Variants in YEATS2 observed in about 807,000 individuals in gnomAD.
YEATS2 encodes the protein YEATS domain containing 2.
In YEATS2, 77 loss-of-function variants were observed where a neutral mutation model predicts 163.2. The ratio of observed to expected loss-of-function variants is 0.47; its 90% CI spans 0.39 to 0.57. The LOEUF (loss-of-function observed/expected upper bound fraction) is 0.57, where lower values mean the gene tolerates loss of function less well. YEATS2 is among the 20% of genes least tolerant of loss of function. YEATS2 has a pLI of 0.00. For synonymous variants in YEATS2, 631 were observed against 645.1 expected, an observed-to-expected ratio of 0.98 and a Z score of 0.33; for missense variants, 1,549 against 1,729.8, an observed-to-expected ratio of 0.90 and a Z score of 1.85.
At chr3:183,713,470 G>A (rs1331856815) in intron 1 of YEATS2, among the ~76,000 whole-genome samples, 1 of 152,164 alleles carries the variant, frequency 6.6e-6, no homozygotes, top group Non-Finnish European at 1.5e-5. Context: ...GGCTGAGGCA[G>A]GAGAATTGCT....
At chr3:183,747,647 C>T (rs772145829) in intron 8 of YEATS2, 25 bp from the exon 9 acceptor site, 1 of 1,604,988 alleles carries the variant, frequency 6.2e-7, no homozygotes, top group South Asian at 1.1e-5. Context: ...TGAAATTTAA[C>T]ACTCTCCCTT....
At chr3:183,757,395 A>G (rs1720878901) in intron 12 of YEATS2, among the ~76,000 whole-genome samples, 1 of 152,032 alleles carries the variant, frequency 6.6e-6, no homozygotes, top group Non-Finnish European at 1.5e-5. Flanking sequence ...GGTTTAAGCA[A>G]TTCTCCTGCC....
At chr3:183,717,277 G>C (rs2109035372) in intron 2 of YEATS2, among the ~76,000 whole-genome samples, 1 of 152,234 alleles carries the variant, frequency 6.6e-6, no homozygotes, top group Admixed American at 6.5e-5. Flanking sequence ...TATCTCTTTA[G>C]TCTCTCTCAG....
intron 23 of YEATS2, among the ~76,000 whole-genome samples, chr3:183,799,802 C>T (rs1725486480): frequency 6.8e-6 from 1 of 147,040 alleles, no homozygotes; most frequent in South Asian, 2.2e-4. Flanking sequence ...CAGCATTGTA[C>T]TTTAGAGTAG....
intron 1 of YEATS2, 95 bp downstream of exon 1, chr3:183,698,088 C>A (rs112644722): frequency 3.9e-5 from 6 of 152,122 alleles, no homozygotes; most frequent in Admixed American, 3.9e-4. Context: ...ACGTGCGCGC[C>A]CCTCCCCCAT....
intron 1 of YEATS2, among the ~76,000 whole-genome samples, chr3:183,699,630 AGT>A (rs1181463530): frequency 2.6e-5 from 4 of 151,824 alleles, no homozygotes; most frequent in Non-Finnish European, 5.9e-5. Context: ...GAGGGGAAAG[AGT>A]GTGGAGAAGT....
At chr3:183,799,020 G>T in intron 23 of YEATS2, 31 bp downstream of exon 23, 1 of 1,555,320 alleles carries the variant, frequency 6.4e-7, no homozygotes, top group East Asian at 2.2e-5. Flanking sequence ...TTCTCGTCCA[G>T]AAGTTTTGTT....
chr3:183,756,148 C>CA (rs1720744772), intron 11 of YEATS2, among the ~76,000 whole-genome samples: 1 of 152,050 alleles, frequency 6.6e-6, no homozygotes, highest in South Asian at 2.1e-4. Context: ...TCAGCAGTTA[C>CA]AAAAAAAGGT....
In YEATS2 at chr3:183,722,147, G is replaced by A; in HGVS notation, c.537+11G>A. On this transcript the variant is annotated intron_variant, in intron 5 of 30. Transcript: ENST00000305135. ...CGAAATACTGGAAGGGTATATAGAT[G>A]GGTGGATGTGGGAGGGAGCCACAGG... 6.2e-7 allele frequency: 1 copy of A among 1,608,610 alleles called. No homozygotes were observed. Among genetic ancestry groups the A allele is most frequent in the Non-Finnish European group, 8.5e-7 (1 of 1,177,366 alleles).
intron 15 of YEATS2, among the ~76,000 whole-genome samples, chr3:183,764,368 TAAAAAAAA>T (rs11452949): frequency 1.9e-5 from 2 of 105,228 alleles, no homozygotes; most frequent in African/African-American, 3.7e-5. Flanking sequence ...AAACTCTGTT[TAAAAAAAA>T]AAAAAAAAAA....
intron 8 of YEATS2, among the ~76,000 whole-genome samples, chr3:183,746,125 C>T (rs536073179): frequency 1.2e-4 from 19 of 152,154 alleles, no homozygotes; most frequent in African/African-American, 4.1e-4. Context: ...TGCAGTGGGG[C>T]GATCATGGCT....
At chr3:183,760,911 G>A (rs1721282226) in intron 13 of YEATS2, among the ~76,000 whole-genome samples, 1 of 152,120 alleles carries the variant, frequency 6.6e-6, no homozygotes. Context: ...AACTATCGGG[G>A]AAGACCAATA....
chr3:183,803,799 T>G, intron 26 of YEATS2, 188 bp from the exon 27 acceptor site: 1 of 623,278 alleles, frequency 1.6e-6, no homozygotes, highest in Non-Finnish European at 2.7e-6. Context: ...GAGTTGCTGT[T>G]TTATTGTATT....
At chr3:183,718,016 C>T (rs1012152967) in intron 3 of YEATS2, among the ~76,000 whole-genome samples, 56 of 151,844 alleles carry the variant, frequency 3.7e-4, no homozygotes, top group African/African-American at 1.3e-3. Flanking sequence ...CTACAGTCAA[C>T]AATAATTTAT....
intron 30 of YEATS2, 146 bp from the exon 31 acceptor site, chr3:183,810,329 G>C: frequency 1.5e-6 from 1 of 657,962 alleles, no homozygotes; most frequent in South Asian, 1.9e-5. Context: ...CCTCACCCCA[G>C]AGTGGCCCTA....
At chr3:183,753,024 AT>A (rs942013883) in intron 10 of YEATS2, among the ~76,000 whole-genome samples, 2 of 151,800 alleles carry the variant, frequency 1.3e-5, no homozygotes, top group Non-Finnish European at 2.9e-5. Flanking sequence ...TCTCGAACTC[AT>A]GACCTCAGGT....
intron 1 of YEATS2, among the ~76,000 whole-genome samples, chr3:183,708,615 C>T (rs1485600562): frequency 6.6e-6 from 1 of 152,020 alleles, no homozygotes; most frequent in Non-Finnish European, 1.5e-5. Context: ...TTACAAATCT[C>T]AGCACTTTGG....
At chr3:183,795,639 A>G (rs1170113990) in intron 21 of YEATS2, among the ~76,000 whole-genome samples, 1 of 151,922 alleles carries the variant, frequency 6.6e-6, no homozygotes, top group Non-Finnish European at 1.5e-5. Context: ...AAACATTAAT[A>G]AAAAGAACCG....
chr3:183,746,034 A>G (rs1212115069), intron 8 of YEATS2, among the ~76,000 whole-genome samples: 3 of 151,968 alleles, frequency 2.0e-5, no homozygotes, highest in African/African-American at 7.3e-5. Flanking sequence ...AGGTCTCGCC[A>G]TGTTGCCCAG....
Sources: allele counts gnomAD v4.1 joint callset (sites outside exome capture counted in the v4.1 genomes callset), GRCh38; gene constraint gnomAD v4.1.1; transcripts MANE v1.5; gene names NCBI Gene and HGNC (gene_info 2026-07-23, HGNC 2026-07-21).